The following HDLBP variants were observed in gnomAD, a reference collection of about 807,000 sequenced individuals.
HDLBP encodes high density lipoprotein binding protein.
A neutral mutation model predicts 137.3 loss-of-function variants in HDLBP; 30 were observed. That is an observed-to-expected ratio of 0.22 (90% CI 0.16 to 0.30). HDLBP has a LOEUF of 0.30. HDLBP is among the 10% of genes least tolerant of loss of function. HDLBP has a pLI of 1.00. For missense variants in HDLBP, 1,119 were observed against 1,667.3 expected, an observed-to-expected ratio of 0.67 and a Z score of 5.73; for synonymous variants, 606 against 596.0, an observed-to-expected ratio of 1.02 and a Z score of -0.24.
In HDLBP at chr2:241,256,217, A is replaced by G; in HGVS notation, c.840T>C (p.Ala280=). The change falls in exon 7 of 28, where the codon GCT becomes GCC. Residue 280 remains alanine (A), a synonymous_variant. Transcript: ENST00000310931. ...CATAAATCTTCTTGATGCGAGCCAC[A>G]GCCTGAGCCAACTGTTCCTTCTCTC... ...FTGEKEQLAQ[A]VARIKKIYEE... 6.2e-7 allele frequency: 1 copy of G among 1,614,174 alleles called. No individual in the cohort carries two copies. The highest frequency in any genetic ancestry group is 1.1e-5 in the South Asian group (1 of 91,074).
rs79340821 is a variant in HDLBP, at chr2:241,308,212, T to C, written c.-103+7358A>G. On this transcript the variant is annotated intron_variant, in intron 1 of 27. Transcript: ENST00000310931. ...CAATCTTGTTGAGCTTATTGACCTT[T>C]TGAATTTCTGTACTGTGAAGATCAA... Among the ~76,000 whole-genome samples the C allele has an allele frequency of 9.1e-3, 1,390 of 152,300 alleles. 28 individuals are homozygous for C. The highest frequency in any genetic ancestry group is 7.9e-3 in the Non-Finnish European group (534 of 68,024).
intron 1 of HDLBP, among the ~76,000 whole-genome samples, chr2:241,294,139 C>T (rs918815880): frequency 3.3e-5 from 5 of 152,084 alleles, no homozygotes; most frequent in Non-Finnish European, 1.5e-5. Flanking sequence ...TGGTAGCTCC[C>T]AAGGAAATAA....
intron 1 of HDLBP, among the ~76,000 whole-genome samples, chr2:241,301,526 G>T (rs2149694873): frequency 6.6e-6 from 1 of 152,244 alleles, no homozygotes; most frequent in East Asian, 1.9e-4. Flanking sequence ...GTTCACACTA[G>T]CCAGCAAATA....
chr2:241,253,329 G>A (rs1221952415), intron 10 of HDLBP, 64 bp downstream of exon 10: 12 of 1,096,740 alleles, frequency 1.1e-5, no homozygotes, highest in East Asian at 2.3e-5. Context: ...AGAGATGACC[G>A]CCCATGCCCA....
intron 1 of HDLBP, among the ~76,000 whole-genome samples, chr2:241,277,019 G>T (rs1050385557): frequency 1.3e-5 from 2 of 148,670 alleles, no homozygotes; most frequent in African/African-American, 4.9e-5. Flanking sequence ...AAATAGTAAA[G>T]AATTAAATCA....
rs376531775 is a variant in HDLBP, at chr2:241,313,277, C to T, written c.-103+2293G>A. Reference sequence around the variant, plus strand: ...CCTGAGGAAAAGAAAAGTCTATATCCTCTTTTTTTGTTGGCTTTTTGAGAC... The same window carrying T: ...CCTGAGGAAAAGAAAAGTCTATATCTTCTTTTTTTGTTGGCTTTTTGAGAC... On this transcript the variant is annotated intron_variant, in intron 1 of 27. Coordinates refer to ENST00000310931, the MANE Select transcript of HDLBP (RefSeq NM_005336.6). Among the ~76,000 whole-genome samples, 8 of 152,264 alleles carry T rather than the reference C, an allele frequency of 5.3e-5. No homozygotes were observed. The East Asian group carries it at 5.8e-4, about 11-fold the overall frequency.
Position 241,229,550 on chromosome 2 carries a change from G to A in HDLBP, c.*51C>T, listed in dbSNP as rs1328546192. ...GGGTCAGATTGAGACAAACCATTGT[G>A]TGGTTGGGTTTGGGTCAGCAGGCTG... On this transcript the variant is annotated 3_prime_UTR_variant, in exon 28 of 28. Transcript: ENST00000310931. The A allele has an allele frequency of 6.0e-6, 8 of 1,322,720 alleles. No individual in the cohort carries two copies. Among genetic ancestry groups the A allele is most frequent in the Non-Finnish European group, 8.7e-6 (8 of 920,222 alleles). The allele number at this position is 1,322,720 out of a possible 1,614,324, so 81.9% of individuals were successfully genotyped here.
In HDLBP at chr2:241,235,121, C is replaced by T. The variant is rs1192336838; in HGVS notation, c.3144G>A (p.Arg1048=). Residue 1048 remains arginine (R), a splice_region_variant and synonymous_variant, in exon 23 of 28, where the codon CGG becomes CGA. Transcript: ENST00000310931. The stretch of plus-strand genomic sequence containing the variant: ...AGTGCCCCGGCCACCTCCTGCTCAC[C>T]CGGTCCTCCTGCTCGGCCTGTAGCT... ...VKELQAEQED[R]ALRSFKLSVT... is the part of the protein sequence containing the mutation. The T allele has an allele frequency of 6.2e-7, 1 of 1,612,558 alleles. No individual in the cohort carries two copies.
intron 3 of HDLBP, among the ~76,000 whole-genome samples, chr2:241,265,506 G>A (rs2073587507): frequency 6.6e-6 from 1 of 152,210 alleles, no homozygotes. Context: ...TGGAAATCAG[G>A]TTCCCTGATT....
Position 241,261,212 on chromosome 2 carries a change from A to AAG in HDLBP, c.450+1498_450+1499insCT, listed in dbSNP as rs1553645513. 4.8e-4 allele frequency among the ~76,000 whole-genome samples: 71 copies of AAG among 148,678 alleles called. 1 individual carries two copies. Among genetic ancestry groups the AAG allele is most frequent in the Middle Eastern group, 3.5e-3 (1 of 288 alleles). ...CCTGTCTCAAAAAAAAAAAAAAAAAAGGGGGTAGGAGGGAGTAAGCACTGT... is the reference window on the plus strand; with the variant it reads ...CCTGTCTCAAAAAAAAAAAAAAAAAAAGGGGGGTAGGAGGGAGTAAGCACTGT... On this transcript the variant is annotated intron_variant, in intron 5 of 27. Coordinates refer to ENST00000310931, the MANE Select transcript of HDLBP (RefSeq NM_005336.6).
intron 9 of HDLBP, 63 bp downstream of exon 9, chr2:241,254,988 T>C (rs1376409526): frequency 3.1e-6 from 4 of 1,279,698 alleles, no homozygotes; most frequent in Non-Finnish European, 4.6e-6. Flanking sequence ...CAAAGCAATA[T>C]CAGAAACAGA....
chr2:241,281,348 C>G (rs1266840931), intron 1 of HDLBP, among the ~76,000 whole-genome samples: 1 of 151,720 alleles, frequency 6.6e-6, no homozygotes, highest in Non-Finnish European at 1.5e-5. Flanking sequence ...GAGTGAAACT[C>G]CGTCTTAAAA....
At chr2:241,303,007 TG>T (rs1281309689) in intron 1 of HDLBP, among the ~76,000 whole-genome samples, 1 of 152,192 alleles carries the variant, frequency 6.6e-6, no homozygotes, top group African/African-American at 2.4e-5. Flanking sequence ...GGCCTAGTGT[TG>T]GGCAGGACTA....
At position 241,238,986 on chromosome 2, in the gene HDLBP, C is replaced by A. The variant is rs947914557; in HGVS notation, c.2611-199G>T. Among the ~76,000 whole-genome samples the A allele has an allele frequency of 6.6e-6, 1 of 152,196 alleles. No homozygotes were observed. Among genetic ancestry groups the A allele is most frequent in the Non-Finnish European group, 1.5e-5 (1 of 68,024 alleles). On this transcript the variant is annotated intron_variant, in intron 19 of 27. Transcript: ENST00000310931. The surrounding 1 kb of genome is among the most constrained non-coding windows in gnomAD (Gnocchi z 4.9). ...ACAGGTCTAAGGGGGTGGGCCTCCT[C>A]TGAAATGTGTCCCAGAAGGCCAGGT...
At chr2:241,266,694 G>T in intron 3 of HDLBP, 100 bp downstream of exon 3, 1 of 831,036 alleles carries the variant, frequency 1.2e-6, no homozygotes, top group Non-Finnish European at 2.1e-6. Context: ...CAACCACAGG[G>T]CCAAAAGGTA....
rs2069607785 is a variant in HDLBP at position 241,230,471 on chromosome 2, G to T, written c.3475-202C>A. Among the ~76,000 whole-genome samples, 1 of 152,248 alleles carries T rather than the reference G, an allele frequency of 6.6e-6. No individual in the cohort carries two copies. Among genetic ancestry groups the T allele is most frequent in the African/African-American group, 2.4e-5 (1 of 41,468 alleles). Reference sequence around the variant, plus strand: ...GCACCTTGTTCCCAGCAGACAGAGGGCCGCAGCACGTACTGTGCGCTCTTG... The same window carrying T: ...GCACCTTGTTCCCAGCAGACAGAGGTCCGCAGCACGTACTGTGCGCTCTTG... On this transcript the variant is annotated intron_variant, in intron 25 of 27. Transcript: ENST00000310931. The surrounding 1 kb of genome is among the most constrained non-coding windows in gnomAD (Gnocchi z 5.0).
At chr2:241,246,206 T>G (rs1020604532) in intron 16 of HDLBP, among the ~76,000 whole-genome samples, 1 of 148,608 alleles carries the variant, frequency 6.7e-6, no homozygotes, top group Non-Finnish European at 1.5e-5. Context: ...CACAAAAGCG[T>G]AGACAATCCA....
chr2:241,304,258 A>C (rs1046248495), intron 1 of HDLBP, among the ~76,000 whole-genome samples: 2 of 152,270 alleles, frequency 1.3e-5, no homozygotes, highest in Non-Finnish European at 2.9e-5. Context: ...TAAAAGCATC[A>C]CCAATACATT....
intron 1 of HDLBP, among the ~76,000 whole-genome samples, chr2:241,292,975 A>C (rs1005931452): frequency 6.6e-6 from 1 of 151,838 alleles, no homozygotes; most frequent in Admixed American, 6.6e-5. Context: ...CTGGGGCTGC[A>C]GTGAGCTGTG....
Sources: allele counts gnomAD v4.1 joint callset (sites outside exome capture counted in the v4.1 genomes callset), GRCh38; gene constraint gnomAD v4.1.1; non-coding constraint Gnocchi (gnomAD v3.1); transcripts MANE v1.5; gene names NCBI Gene and HGNC (gene_info 2026-07-23, HGNC 2026-07-21).